Variants in CTNNA3 observed in about 807,000 individuals in gnomAD.
The protein encoded by CTNNA3 is catenin alpha-3.
A neutral mutation model predicts 95.7 loss-of-function variants in CTNNA3; 76 were observed. The observed-to-expected ratio is 0.79, with a 90% CI of 0.66 to 0.96. CTNNA3 has a LOEUF of 0.96. Ranked by LOEUF, CTNNA3 falls within the 40% of genes least tolerant of loss-of-function variation. The probability of loss-of-function intolerance (pLI) is 0.00; values close to 1 mark genes in which losing one functional copy is unlikely to be tolerated. For missense variants in CTNNA3, 1,191 were observed against 1,089.8 expected (o/e 1.09, Z -1.31); for synonymous variants, 431 against 374.4 (o/e 1.15, Z -1.74).
chr10:65,988,350 C>T (rs1412820357), intron 16 of CTNNA3, among the ~76,000 whole-genome samples: 1 of 151,760 alleles, frequency 6.6e-6, no homozygotes, highest in Non-Finnish European at 1.5e-5. Context: ...GTTAAAAATA[C>T]ACAACCAAAA....
chr10:66,920,150 A>G (rs1404690454), intron 7 of CTNNA3, among the ~76,000 whole-genome samples: 2 of 152,222 alleles, frequency 1.3e-5, no homozygotes, highest in Non-Finnish European at 2.9e-5. Flanking sequence ...GAATCAAGGG[A>G]AAATTAATTT....
chr10:66,333,808 T>C (rs2092361494), intron 12 of CTNNA3, among the ~76,000 whole-genome samples: 1 of 151,768 alleles, frequency 6.6e-6, no homozygotes, highest in African/African-American at 2.4e-5. Flanking sequence ...CTCGTTGATC[T>C]GTCTAATGTT....
intron 14 of CTNNA3, chr10:66,098,955 T>C (rs1445217037): frequency 2.6e-5 from 4 of 152,230 alleles, no homozygotes; most frequent in African/African-American, 9.6e-5. Flanking sequence ...TATATGTTAG[T>C]TACAGACCTT....
intron 5 of CTNNA3, among the ~76,000 whole-genome samples, chr10:67,283,416 C>T (rs1471492639): frequency 6.6e-6 from 1 of 152,174 alleles, no homozygotes; most frequent in East Asian, 1.9e-4. Flanking sequence ...AGATGACCTT[C>T]CTCTAGGAAC....
intron 7 of CTNNA3, among the ~76,000 whole-genome samples, chr10:67,054,225 T>C (rs7908101): frequency 0.14 from 21,534 of 152,110 alleles, 2,097 homozygotes; most frequent in African/African-American, 0.28. Flanking sequence ...AAAAAGGCTG[T>C]ACCCCAATAA....
At chr10:66,761,804 A>C (rs1839612281) in intron 9 of CTNNA3, among the ~76,000 whole-genome samples, 1 of 152,142 alleles carries the variant, frequency 6.6e-6, no homozygotes, top group Non-Finnish European at 1.5e-5. Context: ...GGAGCTCTGG[A>C]ACAGAGTCTA....
intron 7 of CTNNA3, among the ~76,000 whole-genome samples, chr10:67,173,393 A>T (rs919664089): frequency 6.6e-6 from 1 of 152,132 alleles, no homozygotes; most frequent in African/African-American, 2.4e-5. Flanking sequence ...TCAATATGAG[A>T]CAATTCTGAA....
At chr10:66,768,104 G>A (rs1392399278) in intron 8 of CTNNA3, among the ~76,000 whole-genome samples, 4 of 152,210 alleles carry the variant, frequency 2.6e-5, no homozygotes, top group African/African-American at 9.6e-5. Flanking sequence ...ACTACAGGTT[G>A]TGTAAGTTTC....
intron 1 of CTNNA3, among the ~76,000 whole-genome samples, chr10:67,680,590 C>T (rs1840608378): frequency 6.6e-6 from 1 of 152,126 alleles, no homozygotes; most frequent in Admixed American, 6.6e-5. Context: ...GTTTCTCTGG[C>T]TCTCATGGAG....
At chr10:66,992,800 C>A (rs987445716) in intron 7 of CTNNA3, among the ~76,000 whole-genome samples, 1 of 152,064 alleles carries the variant, frequency 6.6e-6, no homozygotes, top group Non-Finnish European at 1.5e-5. Context: ...AATTAATCCA[C>A]TAGTTCTTCC....
At chr10:67,652,409 G>A (rs1424646425) in intron 1 of CTNNA3, among the ~76,000 whole-genome samples, 1 of 152,222 alleles carries the variant, frequency 6.6e-6, no homozygotes, top group Non-Finnish European at 1.5e-5. Flanking sequence ...AGGGTTCAGG[G>A]ATATACTCCT....
At chr10:67,509,340 C>T (rs1464086462) in intron 5 of CTNNA3, among the ~76,000 whole-genome samples, 5 of 151,992 alleles carry the variant, frequency 3.3e-5, no homozygotes, top group South Asian at 2.1e-4. Flanking sequence ...ATCCCTCCCC[C>T]AGCCCTCCAC....
At chr10:67,002,023 A>T (rs1196251126) in intron 7 of CTNNA3, among the ~76,000 whole-genome samples, 8 of 152,282 alleles carry the variant, frequency 5.3e-5, no homozygotes, top group Middle Eastern at 3.4e-3. Context: ...GGTTCCGAGG[A>T]GGTCACCGTC....
intron 6 of CTNNA3, among the ~76,000 whole-genome samples, chr10:67,208,071 C>G (rs1165883006): frequency 6.6e-6 from 1 of 152,064 alleles, no homozygotes; most frequent in Non-Finnish European, 1.5e-5. Context: ...AAATGTTTAT[C>G]ATAGCTATAA....
chr10:67,713,783 C>T (rs990925076), intron 1 of CTNNA3, among the ~76,000 whole-genome samples: 7 of 151,826 alleles, frequency 4.6e-5, no homozygotes, highest in Non-Finnish European at 1.0e-4. Flanking sequence ...TGGTGCCTGT[C>T]GGGGGATGGG....
At chr10:67,745,995 C>A (rs1281267827) in intron 1 of CTNNA3, among the ~76,000 whole-genome samples, 5 of 152,154 alleles carry the variant, frequency 3.3e-5, no homozygotes, top group Non-Finnish European at 7.4e-5. Context: ...AATGACAATA[C>A]TGCACCAAGC....
intron 5 of CTNNA3, among the ~76,000 whole-genome samples, chr10:67,263,580 A>C (rs779520267): frequency 6.6e-6 from 1 of 152,096 alleles, no homozygotes; most frequent in Non-Finnish European, 1.5e-5. Flanking sequence ...ATACCAGAAG[A>C]CCTCGATCTT....
chr10:66,011,477 T>G (rs538260457), intron 15 of CTNNA3, among the ~76,000 whole-genome samples: 1 of 152,264 alleles, frequency 6.6e-6, no homozygotes, highest in South Asian at 2.1e-4. Context: ...TACTGGTAAG[T>G]TTTAATTGTA....
Position 66,073,694 on chromosome 10 carries a change from T to C in CTNNA3, c.1978-4205A>G, listed in dbSNP as rs1201888183. 5.3e-5 allele frequency among the ~76,000 whole-genome samples: 8 copies of C among 152,110 alleles called. No homozygotes were observed. The East Asian group carries it at 1.5e-3, about 29-fold the overall frequency. On this transcript the variant is annotated intron_variant, in intron 14 of 17. Transcript: ENST00000433211. ...TTACCATTCCTGCTGTCTTCTGGTC[T>C]TAATATTCTCCTTTGTTTTAAATCT...
Sources: gnomAD v4.1 joint callset for allele counts (sites outside exome capture counted in the v4.1 genomes callset) on GRCh38, gnomAD v4.1.1 for gene constraint, MANE v1.5 for transcripts, NCBI Gene and HGNC (gene_info 2026-07-23, HGNC 2026-07-21) for gene names.